Variants in GABBR2 observed in about 807,000 individuals in gnomAD.
The protein encoded by GABBR2 is gamma-aminobutyric acid type B receptor subunit 2.
Under a neutral mutation model 105.6 loss-of-function variants are expected in GABBR2, and 23 were observed. The observed-to-expected ratio is 0.22, with a 90% CI of 0.16 to 0.31. The LOEUF (loss-of-function observed/expected upper bound fraction) is 0.31. Among genes scored for constraint, GABBR2 ranks in the 10% least tolerant of loss-of-function variants. GABBR2 has a pLI of 1.00. For missense variants in GABBR2, 734 were observed against 1,245.5 expected, an observed-to-expected ratio of 0.59 and a Z score of 6.18; for synonymous variants, 478 against 499.7, an observed-to-expected ratio of 0.96 and a Z score of 0.58.
Position 98,447,343 on chromosome 9 carries a change from G to A in GABBR2, c.1236+6638C>T, listed in dbSNP as rs570194314. Among the ~76,000 whole-genome samples the A allele has an allele frequency of 5.4e-4, 61 of 112,764 alleles. 9 individuals carry two copies. Among genetic ancestry groups the A allele is most frequent in the African/African-American group, 1.7e-3 (53 of 32,032 alleles). The allele number at this position is 112,764 out of a possible 152,430, so 74.0% of individuals were successfully genotyped here. A position where few individuals can be genotyped will look rare whatever the true frequency, so the allele number is the denominator to read the frequency against. On this transcript the variant is annotated intron_variant, in intron 7 of 18. Transcript: ENST00000259455. ...CTCCCAAAGTGCTGGGATTACAGGC[G>A]TGAGCCACCGCGCCCGGCCCCTAAA...
intron 7 of GABBR2, among the ~76,000 whole-genome samples, chr9:98,438,706 C>T (rs1588161832): frequency 1.3e-5 from 2 of 152,326 alleles, no homozygotes; most frequent in South Asian, 4.2e-4. Flanking sequence ...CACCCACTCC[C>T]TGGCCTGCCA....
intron 1 of GABBR2, among the ~76,000 whole-genome samples, chr9:98,591,737 T>C (rs2131796312): frequency 6.6e-6 from 1 of 152,280 alleles, no homozygotes; most frequent in East Asian, 1.9e-4. Flanking sequence ...GTCTCCTTCA[T>C]GGGAGGTCAA....
intron 2 of GABBR2, among the ~76,000 whole-genome samples, chr9:98,576,721 A>G (rs951354878): frequency 2.0e-5 from 3 of 152,232 alleles, no homozygotes; most frequent in African/African-American, 7.2e-5. Flanking sequence ...TGTCTAGCAC[A>G]TGGCAGACCC....
chr9:98,641,425 A>T (rs1010464878), intron 1 of GABBR2, among the ~76,000 whole-genome samples: 1 of 151,748 alleles, frequency 6.6e-6, no homozygotes, highest in Non-Finnish European at 1.5e-5. Context: ...GGCGTGAGCC[A>T]CCACACGTCC....
chr9:98,643,732 T>G (rs1829997512), intron 1 of GABBR2, among the ~76,000 whole-genome samples: 1 of 152,236 alleles, frequency 6.6e-6, no homozygotes, highest in South Asian at 2.1e-4. Flanking sequence ...AGGGCAGAGA[T>G]GGGCACAGCC....
At chr9:98,462,709 G>A (rs1280643693) in intron 6 of GABBR2, among the ~76,000 whole-genome samples, 1 of 152,178 alleles carries the variant, frequency 6.6e-6, no homozygotes. Flanking sequence ...TTGCGGATGT[G>A]TAAATTGGTA....
chr9:98,423,186 C>A (rs1396462315), intron 7 of GABBR2, among the ~76,000 whole-genome samples: 1 of 152,232 alleles, frequency 6.6e-6, no homozygotes, highest in Non-Finnish European at 1.5e-5. Flanking sequence ...GGAATCGCCG[C>A]ACTGACTTCC....
intron 1 of GABBR2, among the ~76,000 whole-genome samples, chr9:98,669,172 G>C (rs1005457105): frequency 5.3e-5 from 8 of 152,078 alleles, no homozygotes; most frequent in Non-Finnish European, 1.2e-4. Context: ...ATGCAGAAAG[G>C]TCCATTTTCT....
intron 1 of GABBR2, among the ~76,000 whole-genome samples, chr9:98,598,661 G>A (rs1771182219): frequency 6.6e-6 from 1 of 152,024 alleles, no homozygotes; most frequent in Middle Eastern, 3.4e-3. Context: ...TGGGACTTTC[G>A]TCTTCAGCTG....
At chr9:98,702,243 G>C (rs1054691474) in intron 1 of GABBR2, among the ~76,000 whole-genome samples, 1 of 151,944 alleles carries the variant, frequency 6.6e-6, no homozygotes, top group Non-Finnish European at 1.5e-5. Context: ...CCCCTAGGGT[G>C]CATCTAATTC....
At chr9:98,544,352 T>C (rs1445241620) in intron 2 of GABBR2, among the ~76,000 whole-genome samples, 5 of 152,178 alleles carry the variant, frequency 3.3e-5, no homozygotes, top group Admixed American at 1.3e-4. Flanking sequence ...CTCTCTAGAA[T>C]TGCTGGATCT....
chr9:98,487,567 G>C (rs1414443781), intron 4 of GABBR2, among the ~76,000 whole-genome samples: 1 of 152,060 alleles, frequency 6.6e-6, no homozygotes, highest in Non-Finnish European at 1.5e-5. Flanking sequence ...TTGAGCTCAG[G>C]AGTTCAAGAC....
intron 1 of GABBR2, among the ~76,000 whole-genome samples, chr9:98,647,164 G>T (rs985275975): frequency 6.6e-6 from 1 of 152,256 alleles, no homozygotes; most frequent in Admixed American, 6.5e-5. Context: ...ACTAGGCACA[G>T]TCCCTGTGCT....
chr9:98,523,224 G>A (rs1245811641), intron 3 of GABBR2, among the ~76,000 whole-genome samples: 1 of 152,084 alleles, frequency 6.6e-6, no homozygotes, highest in African/African-American at 2.4e-5. Flanking sequence ...ACATATAAAG[G>A]GAAGGTATTA....
intron 2 of GABBR2, among the ~76,000 whole-genome samples, chr9:98,566,290 G>A (rs996625082): frequency 1.3e-5 from 2 of 152,068 alleles, no homozygotes; most frequent in Admixed American, 6.5e-5. Flanking sequence ...TGAAGTTTGA[G>A]AACCACTGCC....
intron 2 of GABBR2, among the ~76,000 whole-genome samples, chr9:98,571,924 T>TG (rs1191122403): frequency 6.6e-6 from 1 of 152,212 alleles, no homozygotes; most frequent in African/African-American, 2.4e-5. Flanking sequence ...AAGACAGCCA[T>TG]GCAATGCTGG....
intron 5 of GABBR2, among the ~76,000 whole-genome samples, chr9:98,478,536 C>A (rs565888299): frequency 2.4e-4 from 37 of 152,290 alleles, no homozygotes; most frequent in Non-Finnish European, 4.7e-4. Context: ...AACCTCATCT[C>A]AAAATGCCAA....
chr9:98,636,022 G>A (rs1829871437), intron 1 of GABBR2, among the ~76,000 whole-genome samples: 1 of 152,144 alleles, frequency 6.6e-6, no homozygotes, highest in Non-Finnish European at 1.5e-5. Context: ...TCACCATGGG[G>A]CCACGGTGAT....
chr9:98,364,452 A>G (rs1831641332), intron 12 of GABBR2, among the ~76,000 whole-genome samples: 1 of 152,236 alleles, frequency 6.6e-6, no homozygotes, highest in Admixed American at 6.5e-5. Context: ...GATTGAGCCC[A>G]AGCAGCTTCT....
Sources: gnomAD v4.1 joint callset for allele counts (sites outside exome capture counted in the v4.1 genomes callset) on GRCh38, gnomAD v4.1.1 for gene constraint, MANE v1.5 for transcripts, NCBI Gene and HGNC (gene_info 2026-07-23, HGNC 2026-07-21) for gene names.